Variants in FCER1A observed in about 807,000 individuals in gnomAD.
FCER1A encodes the protein high affinity immunoglobulin epsilon receptor subunit alpha.
FCER1A carries 24 observed loss-of-function variants against 23.6 expected under a neutral mutation model. That is an observed-to-expected ratio of 1.02 (90% CI 0.74 to 1.43). The LOEUF (loss-of-function observed/expected upper bound fraction) is 1.43, where lower values mean the gene tolerates loss of function less well. Ranked by LOEUF, FCER1A falls within the 40% of genes most tolerant of loss-of-function variation. The pLI, the probability that FCER1A is intolerant of heterozygous loss-of-function variation, is 0.00. For synonymous variants in FCER1A, 121 were observed against 108.8 expected (o/e 1.11, Z -0.70); for missense variants, 318 against 294.5 (o/e 1.08, Z -0.58).
In FCER1A at chr1:159,308,141, A is replaced by G. The variant is rs567723574; in HGVS notation, c.*209A>G. 2.3e-6 allele frequency: 1 copy of G among 433,760 alleles called. No individual in the cohort carries two copies. The highest frequency in any genetic ancestry group is 7.7e-5 in the South Asian group (1 of 13,006). The allele number at this position is 433,760 out of a possible 1,614,324, so 26.9% of individuals were successfully genotyped here. On this transcript the variant is annotated 3_prime_UTR_variant, in exon 5 of 5. Transcript: ENST00000693622. Reference sequence around the variant, plus strand: ...TGGTTGAATAAATGAGAGAATGAATAGATTCATTTATTAGCATTTGTAAAA... The same window carrying G: ...TGGTTGAATAAATGAGAGAATGAATGGATTCATTTATTAGCATTTGTAAAA...
chr1:159,289,864 A>G (rs1268357885), intron 1 of FCER1A: 1 of 152,174 alleles, frequency 6.6e-6, no homozygotes, highest in Non-Finnish European at 1.5e-5. Context: ...GAGAGTAGGA[A>G]GAAGAAAGCA....
At chr1:159,295,440 A>G (rs968670037) in intron 1 of FCER1A, among the ~76,000 whole-genome samples, 3 of 152,238 alleles carry the variant, frequency 2.0e-5, no homozygotes, top group Non-Finnish European at 4.4e-5. Flanking sequence ...TGAATGATCC[A>G]TATTTATATT....
upstream of FCER1A, among the ~76,000 whole-genome samples, chr1:159,286,562 G>T (rs1342298931): frequency 6.6e-6 from 1 of 152,110 alleles, no homozygotes; most frequent in African/African-American, 2.4e-5. Context: ...TCGATCTCCT[G>T]ACCTTGTGAT....
At chr1:159,301,967 A>G (rs1652442362), upstream of FCER1A, among the ~76,000 whole-genome samples, 1 of 152,232 alleles carries the variant, frequency 6.6e-6, no homozygotes, top group Non-Finnish European at 1.5e-5. Flanking sequence ...TATTTAGGAT[A>G]ACACCTGGCA....
intron 4 of FCER1A, among the ~76,000 whole-genome samples, chr1:159,307,366 A>G (rs762661829): frequency 3.3e-5 from 5 of 152,238 alleles, no homozygotes; most frequent in Non-Finnish European, 7.3e-5. Context: ...CATGTAAGAA[A>G]TGATGATTGA....
At chr1:159,292,939 T>G (rs75307844) in intron 1 of FCER1A, among the ~76,000 whole-genome samples, 25,023 of 151,730 alleles carry the variant, frequency 0.16, 2,898 homozygotes, top group East Asian at 0.53. Context: ...GCCATGTGAA[T>G]CTCGGTGCCA....
At chr1:159,295,324 A>G (rs908157709) in intron 1 of FCER1A, among the ~76,000 whole-genome samples, 2 of 152,178 alleles carry the variant, frequency 1.3e-5, no homozygotes, top group Non-Finnish European at 2.9e-5. Context: ...TAGGTGCAGC[A>G]TGACTTAATT....
intron 4 of FCER1A, among the ~76,000 whole-genome samples, chr1:159,306,982 G>C (rs951426498): frequency 1.2e-4 from 19 of 152,198 alleles, no homozygotes; most frequent in Non-Finnish European, 2.1e-4. Flanking sequence ...CTATGTACTT[G>C]TCTCTAGGCT....
At chr1:159,283,895 A>T in the FCER1A span, among the ~76,000 whole-genome samples, 1 of 152,246 alleles carries the variant, frequency 6.6e-6, no homozygotes, top group East Asian at 1.9e-4. Context: ...TGCTACTAAG[A>T]GGTAAGGAAG....
chr1:159,302,335 C>T (rs1363018794), upstream of FCER1A: 1 of 1,535,576 alleles, frequency 6.5e-7, no homozygotes. Context: ...ATCTCTCCAG[C>T]ACAGTAAGCA....
upstream of FCER1A, among the ~76,000 whole-genome samples, chr1:159,285,254 G>T (rs1350092162): frequency 6.6e-6 from 1 of 152,052 alleles, no homozygotes; most frequent in African/African-American, 2.4e-5. Context: ...ACCAAATATT[G>T]CCTGGAGGGC....
At chr1:159,298,955 TTATC>T (rs1344790675), upstream of FCER1A, among the ~76,000 whole-genome samples, 32 of 152,336 alleles carry the variant, frequency 2.1e-4, no homozygotes, top group Middle Eastern at 3.4e-3. Context: ...AAAGACATCT[TTATC>T]TATCTATCTG....
rs113386976 is a variant in FCER1A, at chr1:159,306,325, G to A, written c.589+80G>A. 4.2e-4 allele frequency: 589 copies of A among 1,405,830 alleles called. 4 individuals carry two copies. The Middle Eastern group carries it at 0.012, about 28-fold the overall frequency. 87.1% of individuals were successfully genotyped at this position (1,405,830 alleles called of 1,614,324 possible). On this transcript the variant is annotated intron_variant, in intron 4 of 4. Transcript: ENST00000693622. ...TTCTGAGCCTGAGCAGTTGCAGCTT[G>A]TAGAAGGGGGGCACCTGTGATACAC...
intron 2 of FCER1A, among the ~76,000 whole-genome samples, chr1:159,303,132 C>G (rs1006283197): frequency 3.3e-5 from 5 of 152,108 alleles, no homozygotes; most frequent in African/African-American, 1.2e-4. Flanking sequence ...CTCTCCTAGA[C>G]ACTTTGGCAT....
chr1:159,283,951 T>A, the FCER1A span, among the ~76,000 whole-genome samples: 2 of 152,098 alleles, frequency 1.3e-5, no homozygotes, highest in Non-Finnish European at 2.9e-5. Context: ...GAAATGTGGG[T>A]CGCTGATGAA....
At chr1:159,292,644 G>A (rs747255199) in intron 1 of FCER1A, among the ~76,000 whole-genome samples, 3 of 152,022 alleles carry the variant, frequency 2.0e-5, no homozygotes, top group East Asian at 1.9e-4. Flanking sequence ...ATCGGTAGAC[G>A]TTGAGAGAAT....
upstream of FCER1A, among the ~76,000 whole-genome samples, chr1:159,286,444 T>C (rs1652019623): frequency 6.6e-6 from 1 of 151,764 alleles, no homozygotes; most frequent in African/African-American, 2.4e-5. Context: ...GCCATTCTCC[T>C]GCCTCAGCCT....
chr1:159,285,076 G>T (rs2511214), upstream of FCER1A, among the ~76,000 whole-genome samples: 62,031 of 151,978 alleles, frequency 0.41, 15,158 homozygotes, highest in East Asian at 0.7. Context: ...TTTTTGTTGT[G>T]TGTGTACGTG....
the FCER1A span, among the ~76,000 whole-genome samples, chr1:159,284,630 C>T: frequency 1.3e-5 from 2 of 152,110 alleles, no homozygotes; most frequent in African/African-American, 4.8e-5. Context: ...TTGTGATTTC[C>T]AATTTAGAAA....
Sources: gnomAD v4.1 joint callset for allele counts (sites outside exome capture counted in the v4.1 genomes callset) on GRCh38, gnomAD v4.1.1 for gene constraint, MANE v1.5 for transcripts, NCBI Gene and HGNC (gene_info 2026-07-23, HGNC 2026-07-21) for gene names.